BNC2: variants seen among roughly 807,000 people sequenced by gnomAD.
BNC2 encodes the protein basonuclin zinc finger protein 2.
BNC2 carries 20 observed loss-of-function variants against 76.3 expected under a neutral mutation model. The ratio of observed to expected loss-of-function variants is 0.26; its 90% CI spans 0.18 to 0.38. The LOEUF (loss-of-function observed/expected upper bound fraction) is 0.38. Among genes scored for constraint, BNC2 ranks in the 10% least tolerant of loss-of-function variants. The pLI is 1.00. For synonymous variants in BNC2, 582 were observed against 514.8 expected, an observed-to-expected ratio of 1.13 and a Z score of -1.77; for missense variants, 1,382 against 1,399.8, an observed-to-expected ratio of 0.99 and a Z score of 0.20.
chr9:16,687,401 A>T (rs1464859419), intron 3 of BNC2, among the ~76,000 whole-genome samples: 1 of 152,182 alleles, frequency 6.6e-6, no homozygotes, highest in East Asian at 1.9e-4. Context: ...ACTGAGGAAT[A>T]AGAAAGAAAT....
intron 3 of BNC2, among the ~76,000 whole-genome samples, chr9:16,642,276 C>G (rs1030833832): frequency 6.6e-6 from 1 of 152,096 alleles, no homozygotes; most frequent in Admixed American, 6.6e-5. Context: ...TAAACATTAA[C>G]AAGTCTCAAT....
chr9:16,478,338 T>C (rs1821972104), intron 5 of BNC2, among the ~76,000 whole-genome samples: 4 of 152,124 alleles, frequency 2.6e-5, no homozygotes, highest in Admixed American at 1.3e-4. Context: ...CACATTTCAA[T>C]TGCTCAATGC....
intron 1 of BNC2, among the ~76,000 whole-genome samples, chr9:16,856,144 C>T (rs1475038205): frequency 6.6e-6 from 1 of 151,986 alleles, no homozygotes; most frequent in East Asian, 1.9e-4. Flanking sequence ...GTAAACCCTG[C>T]CCTTCCCCTC....
chr9:16,784,218 AGGG>A lies in BNC2; in HGVS notation c.4-45736_4-45734del, dbSNP rs1826222327. On this transcript the variant is annotated intron_variant, in intron 1 of 6. Transcript: ENST00000380672. Reference sequence around the variant, plus strand: ...GCCCTGGAGTTGCTCACAATGTAGCAGGGAAGACAGCTGTGCAAACAGATAATT... The same window carrying A: ...GCCCTGGAGTTGCTCACAATGTAGCAAAGACAGCTGTGCAAACAGATAATT... 2.0e-5 allele frequency among the ~76,000 whole-genome samples: 3 copies of A among 152,334 alleles called. No homozygotes were observed. The East Asian group carries it at 5.8e-4, about 29-fold the overall frequency.
chr9:16,624,078 C>CAATGTT (rs1563868653), intron 3 of BNC2, among the ~76,000 whole-genome samples: 1 of 152,196 alleles, frequency 6.6e-6, no homozygotes, highest in Non-Finnish European at 1.5e-5. Context: ...CTCTAAACTA[C>CAATGTT]AATGTTTTTT....
At chr9:16,626,626 G>A (rs1820999898) in intron 3 of BNC2, among the ~76,000 whole-genome samples, 2 of 152,032 alleles carry the variant, frequency 1.3e-5, no homozygotes, top group African/African-American at 4.8e-5. Flanking sequence ...ACCTGGCTCT[G>A]GGGTGCTGGC....
At chr9:16,627,272 G>A (rs1375266879) in intron 3 of BNC2, among the ~76,000 whole-genome samples, 1 of 152,148 alleles carries the variant, frequency 6.6e-6, no homozygotes, top group African/African-American at 2.4e-5. Flanking sequence ...AATACCACCT[G>A]TCTCAATAGC....
chr9:16,600,191 C>T (rs1457544469), intron 3 of BNC2, among the ~76,000 whole-genome samples: 1 of 152,172 alleles, frequency 6.6e-6, no homozygotes, highest in African/African-American at 2.4e-5. Context: ...CTGTTTCCTA[C>T]CCTATTTGCA....
chr9:16,519,596 G>A (rs1461360918), intron 5 of BNC2, among the ~76,000 whole-genome samples: 1 of 152,144 alleles, frequency 6.6e-6, no homozygotes, highest in Admixed American at 6.5e-5. Context: ...GAGGTTAGAC[G>A]GAAAGGCTGT....
chr9:16,658,400 T>C (rs1464409775), intron 3 of BNC2, among the ~76,000 whole-genome samples: 1 of 152,186 alleles, frequency 6.6e-6, no homozygotes, highest in Non-Finnish European at 1.5e-5. Flanking sequence ...AATGTCACTG[T>C]GAAACAAAGC....
At chr9:16,481,755 A>C (rs1375540531) in intron 5 of BNC2, among the ~76,000 whole-genome samples, 1 of 152,232 alleles carries the variant, frequency 6.6e-6, no homozygotes, top group Non-Finnish European at 1.5e-5. Flanking sequence ...TACAAGGTAC[A>C]GTGTGGTTAT....
chr9:16,434,728 G>C (rs1820969247), intron 6 of BNC2: 2 of 424,412 alleles, frequency 4.7e-6, no homozygotes, highest in Admixed American at 2.6e-5. Flanking sequence ...AAGCCCAACT[G>C]TTTCAGAGCT....
At chr9:16,724,856 A>C (rs1824264041) in intron 3 of BNC2, among the ~76,000 whole-genome samples, 1 of 152,124 alleles carries the variant, frequency 6.6e-6, no homozygotes, top group African/African-American at 2.4e-5. Context: ...AATTATCTGT[A>C]ACTCAGTTTT....
intron 1 of BNC2, among the ~76,000 whole-genome samples, chr9:16,825,629 G>T (rs1389560455): frequency 2.0e-5 from 3 of 152,032 alleles, no homozygotes; most frequent in African/African-American, 7.3e-5. Context: ...GGAGGAGGAG[G>T]GGAGGGTCAC....
intron 5 of BNC2, among the ~76,000 whole-genome samples, chr9:16,490,260 A>AC (rs1563807523): frequency 1.3e-5 from 2 of 152,168 alleles, no homozygotes; most frequent in East Asian, 1.9e-4. Flanking sequence ...AGGCACTTCT[A>AC]ACATGGCAGC....
intron 5 of BNC2, among the ~76,000 whole-genome samples, chr9:16,484,993 A>G (rs1472972799): frequency 6.6e-6 from 1 of 152,126 alleles, no homozygotes; most frequent in Non-Finnish European, 1.5e-5. Context: ...TGTGGTTATA[A>G]TTACAACCAC....
intron 1 of BNC2, 51 bp downstream of exon 1, chr9:16,870,595 A>G (rs1239683917): frequency 3.7e-6 from 6 of 1,602,424 alleles, no homozygotes; most frequent in South Asian, 1.1e-5. Flanking sequence ...CGCGGGGGTC[A>G]TTTCTGAGGA....
chr9:16,659,369 G>T (rs915400894), intron 3 of BNC2, among the ~76,000 whole-genome samples: 1 of 152,060 alleles, frequency 6.6e-6, no homozygotes. Flanking sequence ...CAGCACTTTG[G>T]GGGGCCGAGG....
chr9:16,462,987 T>C (rs7026171), intron 5 of BNC2, among the ~76,000 whole-genome samples: 1,974 of 152,278 alleles, frequency 0.013, 45 homozygotes, highest in African/African-American at 0.044. Context: ...TCTGGGGAAC[T>C]GATCATTTCC....
Sources: allele counts gnomAD v4.1 joint callset (sites outside exome capture counted in the v4.1 genomes callset), GRCh38; gene constraint gnomAD v4.1.1; transcripts MANE v1.5; gene names NCBI Gene and HGNC (gene_info 2026-07-23, HGNC 2026-07-21).